CFAP99: variants seen among roughly 807,000 people sequenced by gnomAD.
CFAP99 encodes the protein cilia- and flagella-associated protein 99.
Under a neutral mutation model 82.7 loss-of-function variants are expected in CFAP99, and 84 were observed. The ratio of observed to expected loss-of-function variants is 1.02; its 90% CI spans 0.85 to 1.22. CFAP99 has a LOEUF of 1.22. CFAP99 is among the 50% of genes most tolerant of loss of function. The pLI, the probability that CFAP99 is intolerant of heterozygous loss-of-function variation, is 0.00. For missense variants in CFAP99, 1,059 were observed against 983.5 expected (o/e 1.08, Z -1.03); for synonymous variants, 456 against 429.5 (o/e 1.06, Z -0.76).
At chr4:2,441,103 G>A (rs547135204) in intron 4 of CFAP99, among the ~76,000 whole-genome samples, 1 of 150,748 alleles carries the variant, frequency 6.6e-6, no homozygotes, top group East Asian at 2.0e-4. Flanking sequence ...TAATTGTTGA[G>A]GCCGGGCACA....
chr4:2,427,935 C>T (rs931296565), intron 2 of CFAP99: 9 of 152,374 alleles, frequency 5.9e-5, no homozygotes, highest in African/African-American at 1.9e-4. Context: ...CCGGCTGGGG[C>T]CTGGCAGCCA....
chr4:2,449,515 C>T (rs915827454), intron 6 of CFAP99, among the ~76,000 whole-genome samples, 155 bp from the exon 7 acceptor site: 2 of 151,960 alleles, frequency 1.3e-5, no homozygotes, highest in Admixed American at 6.6e-5. Flanking sequence ...CACCAGCACC[C>T]GGTGGTGTTA....
At position 2,462,545 on chromosome 4, in the gene CFAP99, C is replaced by T; in HGVS notation, c.1764C>T (p.Arg588=). The T allele has an allele frequency of 2.7e-6, 4 of 1,467,238 alleles. No homozygotes were observed. Among genetic ancestry groups the T allele is most frequent in the South Asian group, 1.3e-5 (1 of 77,022 alleles). The allele number at this position is 1,467,238 out of a possible 1,614,324, so 90.9% of individuals were successfully genotyped here. A position where few individuals can be genotyped will look rare whatever the true frequency, so the allele number is the denominator to read the frequency against. The stretch of plus-strand genomic sequence containing the variant: ...GGATCTCGGAGAGGGCGGCCGAGCG[C>T]AGCAGGCAGGCGGCCTTGCTGCACG... Residue 588 remains arginine, a synonymous_variant, in exon 15 of 15, where the codon CGC becomes CGT. Transcript: ENST00000635017. The surrounding 1 kb of genome is among the most constrained non-coding windows in gnomAD (Gnocchi z 4.1).
chr4:2,435,521 TA>T (rs1166119108), intron 2 of CFAP99, among the ~76,000 whole-genome samples: 6 of 152,036 alleles, frequency 3.9e-5, no homozygotes, highest in Admixed American at 3.3e-4. Context: ...GTTATCCCAA[TA>T]AAAAAAGTTT....
chr4:2,441,277 G>T (rs1734031629), intron 4 of CFAP99, among the ~76,000 whole-genome samples: 1 of 150,856 alleles, frequency 6.6e-6, no homozygotes, highest in Admixed American at 6.6e-5. Flanking sequence ...GGAGGCTGAG[G>T]CAGGAGAATC....
intron 14 of CFAP99, among the ~76,000 whole-genome samples, chr4:2,461,203 C>T (rs1734613331): frequency 6.6e-6 from 1 of 152,178 alleles, no homozygotes. Flanking sequence ...CCCTGGCAGC[C>T]AGGTCAGACA....
chr4:2,447,802 G>A (rs906761181), intron 6 of CFAP99, among the ~76,000 whole-genome samples: 112 of 129,156 alleles, frequency 8.7e-4, no homozygotes, highest in African/African-American at 3.1e-3. Flanking sequence ...GAGTGGGTAG[G>A]TGAATTAATG....
rs1318781621 is a variant in CFAP99, at chr4:2,462,717, C to T, written c.1936C>T (p.Arg646Trp). The change falls in exon 15 of 15, where the codon CGG becomes TGG. Residue 646 changes from arginine to tryptophan, a missense_variant. Coordinates refer to ENST00000635017, the Ensembl canonical transcript of CFAP99. The surrounding 1 kb of genome is among the most constrained non-coding windows in gnomAD (Gnocchi z 4.1). ...CCCGGGGCGGGGATGGCGGGGAGAT[C>T]GGGTCCGGTCCGCGGCCGGGAGATA... 2.5e-5 allele frequency: 31 copies of T among 1,240,198 alleles called. No individual in the cohort carries two copies. Among genetic ancestry groups the T allele is most frequent in the South Asian group, 2.9e-5 (1 of 34,360 alleles). The allele number at this position is 1,240,198 out of a possible 1,614,324, so 76.8% of individuals were successfully genotyped here.
At chr4:2,440,031 A>G (rs1251052646) in intron 4 of CFAP99, among the ~76,000 whole-genome samples, 1 of 151,500 alleles carries the variant, frequency 6.6e-6, no homozygotes, top group Admixed American at 6.6e-5. Context: ...TAGTAGAGAC[A>G]GGGTTTCACC....
Position 2,462,714 on chromosome 4 carries a change from G to A in CFAP99, c.1933G>A (p.Asp645Asn). ...CGTCCCGGGGCGGGGATGGCGGGGA[G>A]ATCGGGTCCGGTCCGCGGCCGGGAG... Residue 645 changes from aspartate to asparagine, a missense_variant, in exon 15 of 15, where the codon GAT becomes AAT. Coordinates refer to ENST00000635017, the Ensembl canonical transcript of CFAP99. The surrounding 1 kb of genome is among the most constrained non-coding windows in gnomAD (Gnocchi z 4.1). 1 of 1,249,992 alleles carries A rather than the reference G, an allele frequency of 8.0e-7. No homozygotes were observed. The highest frequency in any genetic ancestry group is 1.0e-6 in the Non-Finnish European group (1 of 995,124). The allele number at this position is 1,249,992 out of a possible 1,614,324, so 77.4% of individuals were successfully genotyped here.
intron 2 of CFAP99, among the ~76,000 whole-genome samples, chr4:2,430,054 C>G (rs192676729): frequency 8.5e-5 from 13 of 152,056 alleles, no homozygotes; most frequent in Admixed American, 3.3e-4. Context: ...CAGAAAATTA[C>G]GCAATACATA....
At chr4:2,431,959 C>A (rs761728879) in intron 2 of CFAP99, among the ~76,000 whole-genome samples, 10 of 152,184 alleles carry the variant, frequency 6.6e-5, no homozygotes, top group Non-Finnish European at 8.8e-5. Flanking sequence ...TCACTTTGAA[C>A]CATCTGTTCG....
intron 2 of CFAP99, 67 bp from the exon 3 acceptor site, chr4:2,436,807 C>G: frequency 3.1e-5 from 38 of 1,222,548 alleles, no homozygotes; most frequent in Non-Finnish European, 4.2e-5. Flanking sequence ...GCCCAAGTGT[C>G]CCACCCCCAC....
In CFAP99 at chr4:2,462,587, C is replaced by T. The variant is rs1446924724; in HGVS notation, c.1806C>T (p.Thr602=). Reference sequence around the variant, plus strand: ...TGCTGCACGTGTCGGCGCCGCGGACCGCGCGCCCCAAGCCCCGGGTGAGTC... The same window carrying T: ...TGCTGCACGTGTCGGCGCCGCGGACTGCGCGCCCCAAGCCCCGGGTGAGTC... The change falls in exon 15 of 15, where the codon ACC becomes ACT. Residue 602 remains threonine, a synonymous_variant. Transcript: ENST00000635017. This position sits in a 1 kb window ranked among gnomAD's most constrained non-coding sequence, Gnocchi z 4.1. 1 of 1,427,182 alleles carries T rather than the reference C, an allele frequency of 7.0e-7. No individual in the cohort carries two copies. The highest frequency in any genetic ancestry group is 9.1e-7 in the Non-Finnish European group (1 of 1,093,314). 88.4% of individuals were successfully genotyped at this position (1,427,182 alleles called of 1,614,324 possible).
Position 2,462,823 on chromosome 4 carries a change from C to G in CFAP99, c.2042C>G (p.Ala681Gly), listed in dbSNP as rs1264024375. 7 of 1,360,794 alleles carry G rather than the reference C, an allele frequency of 5.1e-6. No individual in the cohort carries two copies. The highest frequency in any genetic ancestry group is 6.6e-6 in the Non-Finnish European group (7 of 1,056,932). The allele number at this position is 1,360,794 out of a possible 1,614,324, so 84.3% of individuals were successfully genotyped here. A position where few individuals can be genotyped will look rare whatever the true frequency, so the allele number is the denominator to read the frequency against. ...CCCGGCCTGCAGGCGCAGCTAGAGG[C>G]GCAGCACTGGCTGGAGCTGGAGCGG... The change falls in exon 15 of 15, where the codon GCG (alanine) becomes GGG (glycine). Residue 681 changes from alanine (A) to glycine (G), a missense_variant. Coordinates refer to ENST00000635017, the Ensembl canonical transcript of CFAP99. This position sits in a 1 kb window ranked among gnomAD's most constrained non-coding sequence, Gnocchi z 4.1.
At chr4:2,453,829 T>C (rs1371752729) in intron 11 of CFAP99, among the ~76,000 whole-genome samples, 1 of 151,912 alleles carries the variant, frequency 6.6e-6, no homozygotes, top group Admixed American at 6.6e-5. Flanking sequence ...TTTTTTTTTT[T>C]TTAAGATGGA....
chr4:2,421,121 A>C (rs180704716), intron 1 of CFAP99, among the ~76,000 whole-genome samples: 5 of 152,372 alleles, frequency 3.3e-5, no homozygotes, highest in Admixed American at 3.3e-4. Context: ...CTTTAAGCAC[A>C]AGCCATAGGG....
exon 6 of CFAP99, chr4:2,445,258 C>T (rs533808580): frequency 1.8e-5 from 25 of 1,415,362 alleles, no homozygotes; most frequent in African/African-American, 4.4e-5. Context: ...CCCCAGGCCC[C>T]GCACCATTCC....
chr4:2,440,925 G>T (rs888443771), intron 4 of CFAP99, among the ~76,000 whole-genome samples: 3 of 151,986 alleles, frequency 2.0e-5, no homozygotes, highest in African/African-American at 7.2e-5. Flanking sequence ...TGGCATGGTG[G>T]TGCTTACCTG....
Sources: allele counts gnomAD v4.1 joint callset (sites outside exome capture counted in the v4.1 genomes callset), GRCh38; gene constraint gnomAD v4.1.1; non-coding constraint Gnocchi (gnomAD v3.1); transcripts MANE v1.5; gene names NCBI Gene and HGNC (gene_info 2026-07-23, HGNC 2026-07-21).